POT1: variants seen among roughly 807,000 people sequenced by gnomAD.
The protein encoded by POT1 is protection of telomeres protein 1.
In POT1, 47 loss-of-function variants were observed where a neutral mutation model predicts 78.5. The observed-to-expected ratio is 0.60, with a 90% CI of 0.47 to 0.76. POT1 has a LOEUF of 0.76. POT1 is among the 30% of genes least tolerant of loss of function. The pLI is 0.00. For missense variants in POT1, 646 were observed against 749.9 expected, an observed-to-expected ratio of 0.86 and a Z score of 1.62; for synonymous variants, 259 against 260.7, an observed-to-expected ratio of 0.99 and a Z score of 0.06.
At chr7:124,879,706 TGTA>T (rs1253155999) in intron 6 of POT1, among the ~76,000 whole-genome samples, 5 of 152,248 alleles carry the variant, frequency 3.3e-5, no homozygotes, top group African/African-American at 1.2e-4. Flanking sequence ...ATTAGGATAA[TGTA>T]GTGTTTTCTG....
At chr7:124,833,955 C>CG (rs1414376854) in intron 15 of POT1, among the ~76,000 whole-genome samples, 3 of 152,030 alleles carry the variant, frequency 2.0e-5, no homozygotes, top group Non-Finnish European at 4.4e-5. Flanking sequence ...AAAACACCAC[C>CG]ACACATCTGC....
At chr7:124,887,709 T>C (rs997283442) in intron 6 of POT1, among the ~76,000 whole-genome samples, 1 of 152,076 alleles carries the variant, frequency 6.6e-6, no homozygotes, top group East Asian at 1.9e-4. Flanking sequence ...CAGTTAAGCA[T>C]AGTTTAATTA....
intron 6 of POT1, among the ~76,000 whole-genome samples, chr7:124,881,154 A>C (rs1424839577): frequency 6.6e-6 from 1 of 152,004 alleles, no homozygotes; most frequent in Non-Finnish European, 1.5e-5. Flanking sequence ...GTACTTACAC[A>C]AGCCCAGACG....
chr7:124,869,064 G>C (rs1298180082), intron 7 of POT1, among the ~76,000 whole-genome samples: 1 of 152,030 alleles, frequency 6.6e-6, no homozygotes, highest in Non-Finnish European at 1.5e-5. Flanking sequence ...TATTATAGTA[G>C]TACAGTTAAT....
intron 14 of POT1, among the ~76,000 whole-genome samples, chr7:124,839,748 A>C (rs1332545450): frequency 6.6e-6 from 1 of 152,162 alleles, no homozygotes; most frequent in Non-Finnish European, 1.5e-5. Flanking sequence ...AAAGGTACAA[A>C]GTTTCCCTAT....
At chr7:124,872,600 A>G (rs1422844499) in intron 6 of POT1, among the ~76,000 whole-genome samples, 2 of 152,136 alleles carry the variant, frequency 1.3e-5, no homozygotes, top group Non-Finnish European at 2.9e-5. Context: ...AGGCAAAGTG[A>G]TAAGTGCTTA....
intron 16 of POT1, chr7:124,828,799 G>A (rs1395510373): frequency 4.5e-6 from 2 of 442,294 alleles, no homozygotes; most frequent in Non-Finnish European, 9.1e-6. Context: ...TAAAACATGA[G>A]ATGGCTGTAT....
intron 7 of POT1, among the ~76,000 whole-genome samples, chr7:124,866,781 A>G (rs973255242): frequency 6.6e-6 from 1 of 152,168 alleles, no homozygotes; most frequent in Non-Finnish European, 1.5e-5. Flanking sequence ...TCCGATGCCT[A>G]AAAAACAGTT....
chr7:124,927,449 AACATATACAAAGAGATT>A (rs1345755839), intron 2 of POT1, among the ~76,000 whole-genome samples: 1 of 152,204 alleles, frequency 6.6e-6, no homozygotes, highest in Non-Finnish European at 1.5e-5. Context: ...CTTAGGAGAG[AACATATACAAAGAGATT>A]ACATATACAA....
chr7:124,835,884 AT>A (rs1239572620), intron 14 of POT1, among the ~76,000 whole-genome samples: 1 of 152,140 alleles, frequency 6.6e-6, no homozygotes, highest in Non-Finnish European at 1.5e-5. Flanking sequence ...AAATTTGTTC[AT>A]TTTTCCTGGG....
chr7:124,825,508 G>A, intron 17 of POT1, 151 bp from the exon 18 acceptor site: 2 of 489,178 alleles, frequency 4.1e-6, no homozygotes, highest in East Asian at 3.3e-5. Flanking sequence ...CTAGAATGCT[G>A]GTCTCAACTC....
At chr7:124,869,932 C>T (rs1795827503) in intron 7 of POT1, among the ~76,000 whole-genome samples, 1 of 151,968 alleles carries the variant, frequency 6.6e-6, no homozygotes, top group Admixed American at 6.6e-5. Flanking sequence ...CTCTATTATC[C>T]TCTTATTCTC....
At chr7:124,846,002 A>G (rs1044608916) in intron 12 of POT1, among the ~76,000 whole-genome samples, 28 of 152,134 alleles carry the variant, frequency 1.8e-4, no homozygotes, top group African/African-American at 6.8e-4. Context: ...TAGTTCAGAA[A>G]TCTGCTGTTT....
chr7:124,826,794 G>A (rs540813582), intron 17 of POT1, among the ~76,000 whole-genome samples: 1 of 152,260 alleles, frequency 6.6e-6, no homozygotes, highest in Admixed American at 6.5e-5. Context: ...GCTTGAACCC[G>A]GGAGGCGGAG....
intron 12 of POT1, among the ~76,000 whole-genome samples, chr7:124,846,114 T>C (rs10085867): frequency 0.4 from 60,396 of 151,042 alleles, 12,169 homozygotes; most frequent in East Asian, 0.5. Context: ...GCCTCTATGC[T>C]TTTTCATGGA....
At chr7:124,829,136 G>A in intron 16 of POT1, 118 bp downstream of exon 16, 1 of 792,442 alleles carries the variant, frequency 1.3e-6, no homozygotes, top group South Asian at 1.4e-5. Flanking sequence ...TCTTACAGAG[G>A]AAGGAATAAG....
At chr7:124,825,189 A>C in intron 18 of POT1, 63 bp downstream of exon 18, 4 of 1,036,258 alleles carry the variant, frequency 3.9e-6, no homozygotes, top group Non-Finnish European at 5.9e-6. Flanking sequence ...TCCACAGAGT[A>C]CATATATGTT....
At chr7:124,903,241 C>T (rs192375220) in intron 3 of POT1, among the ~76,000 whole-genome samples, 11 of 152,276 alleles carry the variant, frequency 7.2e-5, no homozygotes, top group African/African-American at 1.4e-4. Context: ...AGCACCACAT[C>T]GCACTTACTC....
rs1562971270 is a variant in POT1, at chr7:124,822,818, TC to T, written c.*1143del. 1 of 171,334 alleles carries T rather than the reference TC, an allele frequency of 5.8e-6. No individual in the cohort carries two copies. The highest frequency in any genetic ancestry group is 2.3e-5 in the African/African-American group (1 of 42,604). 10.6% of individuals were successfully genotyped at this position (171,334 alleles called of 1,614,324 possible). ...TTAGAGTTATTATGAGCAAAGAAAG[TC>T]AGTTATCCAATCTTTTTGACAATAA... is the stretch of plus-strand genomic sequence containing the variant. On this transcript the variant is annotated 3_prime_UTR_variant, in exon 19 of 19. Coordinates refer to ENST00000357628, the MANE Select transcript of POT1 (RefSeq NM_015450.3).
Sources: allele counts gnomAD v4.1 joint callset (sites outside exome capture counted in the v4.1 genomes callset), GRCh38; gene constraint gnomAD v4.1.1; transcripts MANE v1.5; gene names NCBI Gene and HGNC (gene_info 2026-07-23, HGNC 2026-07-21).